The following LOC128462377 variants were observed in gnomAD, a reference collection of about 807,000 sequenced individuals.
At chr16:89,396,946 C>T in the LOC128462377 span, among the ~76,000 whole-genome samples, 233 of 110,930 alleles carry the variant, frequency 2.1e-3, no homozygotes, top group African/African-American at 6.4e-3. Context: ...CTCGGTTTCC[C>T]AGAGCACTGG....
chr16:89,381,083 G>A, the LOC128462377 span, among the ~76,000 whole-genome samples: 4 of 152,208 alleles, frequency 2.6e-5, no homozygotes, highest in African/African-American at 9.7e-5. Flanking sequence ...AGCACTTTGG[G>A]AGGCCGAGGC....
At chr16:89,391,045 G>GGT in the LOC128462377 span, among the ~76,000 whole-genome samples, 4 of 151,960 alleles carry the variant, frequency 2.6e-5, no homozygotes, top group Non-Finnish European at 5.9e-5. Flanking sequence ...TGGCTAACAC[G>GGT]GTGAAACCCC....
chr16:89,374,408 T>A, the LOC128462377 span, among the ~76,000 whole-genome samples: 1 of 152,018 alleles, frequency 6.6e-6, no homozygotes, highest in East Asian at 1.9e-4. Flanking sequence ...CTGTTCTACA[T>A]GGGCAGAGCT....
the LOC128462377 span, among the ~76,000 whole-genome samples, chr16:89,381,515 G>A: frequency 2.0e-5 from 3 of 151,812 alleles, no homozygotes; most frequent in African/African-American, 7.3e-5. Flanking sequence ...GCAAAATGAG[G>A]GTAAGCATTC....
At chr16:89,327,102 T>G in the LOC128462377 span, among the ~76,000 whole-genome samples, 1 of 151,718 alleles carries the variant, frequency 6.6e-6, no homozygotes, top group East Asian at 1.9e-4. Flanking sequence ...AGGTGGGGAA[T>G]GCAGAGGTTG....
the LOC128462377 span, among the ~76,000 whole-genome samples, chr16:89,329,928 T>C: frequency 8.8e-3 from 1,342 of 151,820 alleles, 20 homozygotes; most frequent in African/African-American, 0.031. Flanking sequence ...AGGCAGAGGC[T>C]GCCGTGAGCA....
the LOC128462377 span, among the ~76,000 whole-genome samples, chr16:89,353,546 C>T: frequency 6.6e-6 from 1 of 151,776 alleles, no homozygotes; most frequent in East Asian, 2.0e-4. Context: ...GGTGCAATCT[C>T]GGCTCACTGC....
chr16:89,364,131 T>C, the LOC128462377 span, among the ~76,000 whole-genome samples: 4 of 152,158 alleles, frequency 2.6e-5, no homozygotes. Flanking sequence ...ACATGGAGCC[T>C]TTCTTTCCAG....
chr16:89,382,372 C>T, the LOC128462377 span, among the ~76,000 whole-genome samples: 2 of 152,086 alleles, frequency 1.3e-5, no homozygotes, highest in African/African-American at 4.8e-5. Flanking sequence ...GTCACCCAGG[C>T]TGGAGGGCAA....
the LOC128462377 span, among the ~76,000 whole-genome samples, chr16:89,366,338 T>C: frequency 6.6e-6 from 1 of 152,164 alleles, no homozygotes; most frequent in Admixed American, 6.5e-5. Context: ...CCTCTGGGTA[T>C]ATACCCAGTA....
the LOC128462377 span, among the ~76,000 whole-genome samples, chr16:89,365,414 G>A: frequency 3.9e-5 from 6 of 152,212 alleles, no homozygotes; most frequent in African/African-American, 9.7e-5. Flanking sequence ...ACAAGAGTGA[G>A]AGCCACTGAG....
At chr16:89,361,633 T>G in the LOC128462377 span, 2 of 152,192 alleles carry the variant, frequency 1.3e-5, no homozygotes, top group African/African-American at 4.8e-5. Flanking sequence ...CTGAGGGCAG[T>G]GGGACTGCCA....
At chr16:89,361,323 G>A in the LOC128462377 span, among the ~76,000 whole-genome samples, 1 of 152,196 alleles carries the variant, frequency 6.6e-6, no homozygotes, top group African/African-American at 2.4e-5. Context: ...CCATCACAGC[G>A]CCGGGGGCGG....
chr16:89,323,600 AGCCCG>A, the LOC128462377 span, among the ~76,000 whole-genome samples: 3 of 84,778 alleles, frequency 3.5e-5, no homozygotes, highest in African/African-American at 1.1e-4. Context: ...AGGGGGGCTG[AGCCCG>A]GGGCAGGGGA....
At chr16:89,385,929 CG>C in the LOC128462377 span, among the ~76,000 whole-genome samples, 1 of 152,238 alleles carries the variant, frequency 6.6e-6, no homozygotes, top group Non-Finnish European at 1.5e-5. Flanking sequence ...GGTCACCACA[CG>C]GATGCCAAAC....
the LOC128462377 span, among the ~76,000 whole-genome samples, chr16:89,369,262 C>T: frequency 6.6e-5 from 10 of 152,360 alleles, 1 homozygote; most frequent in East Asian, 1.9e-3. Flanking sequence ...CACCTAGGTA[C>T]GCCCGAGAAA....
the LOC128462377 span, among the ~76,000 whole-genome samples, chr16:89,402,044 G>C: frequency 9.2e-5 from 14 of 152,024 alleles, no homozygotes; most frequent in East Asian, 5.8e-4. Context: ...CTGGTCTGTG[G>C]TGATTTATCA....
the LOC128462377 span, among the ~76,000 whole-genome samples, chr16:89,343,981 G>A: frequency 6.6e-6 from 1 of 152,188 alleles, no homozygotes; most frequent in Non-Finnish European, 1.5e-5. Context: ...CTGACCGACT[G>A]AACCCAGGGG....
chr16:89,375,745 T>G, the LOC128462377 span, among the ~76,000 whole-genome samples: 3 of 136,968 alleles, frequency 2.2e-5, no homozygotes, highest in East Asian at 2.2e-4. Context: ...CATGAGCCAC[T>G]GCACCCAGCC....
Sources: gnomAD v4.1 joint callset for allele counts (sites outside exome capture counted in the v4.1 genomes callset) on GRCh38, gnomAD v4.1.1 for gene constraint, MANE v1.5 for transcripts.